The following LRRC8B variants were observed in gnomAD, a reference collection of about 807,000 sequenced individuals.
LRRC8B encodes volume-regulated anion channel subunit LRRC8B.
LRRC8B carries 23 observed loss-of-function variants against 58.8 expected under a neutral mutation model. The ratio of observed to expected loss-of-function variants is 0.39; its 90% CI spans 0.28 to 0.55. The LOEUF is 0.55. LRRC8B is among the 20% of genes least tolerant of loss of function. The probability of loss-of-function intolerance (pLI) is 0.62; values close to 1 mark genes in which losing one functional copy is unlikely to be tolerated. For missense variants in LRRC8B, 694 were observed against 936.0 expected (o/e 0.74, Z 3.37); for synonymous variants, 359 against 374.1 (o/e 0.96, Z 0.47).
At chr1:89,591,905 A>G (rs1655002645) in intron 5 of LRRC8B, among the ~76,000 whole-genome samples, 1 of 152,010 alleles carries the variant, frequency 6.6e-6, no homozygotes, top group Non-Finnish European at 1.5e-5. Context: ...GAGCGGTGGT[A>G]TGTGCAGTCT....
At chr1:89,551,928 TTATATA>T (rs1302572455) in intron 1 of LRRC8B, among the ~76,000 whole-genome samples, 6 of 152,236 alleles carry the variant, frequency 3.9e-5, no homozygotes, top group Admixed American at 3.9e-4. Context: ...GATTTGATTA[TTATATA>T]TATTTATATA....
At chr1:89,570,685 CT>C (rs2101009949) in intron 3 of LRRC8B, among the ~76,000 whole-genome samples, 1 of 152,142 alleles carries the variant, frequency 6.6e-6, no homozygotes, top group African/African-American at 2.4e-5. Context: ...CTGTTGATAG[CT>C]TCTTTTGCTG....
chr1:89,546,129 C>T (rs890790495), intron 1 of LRRC8B, among the ~76,000 whole-genome samples: 1 of 151,996 alleles, frequency 6.6e-6, no homozygotes, highest in African/African-American at 2.4e-5. Context: ...GCTAGCCTAT[C>T]AGAATAGAGA....
intron 1 of LRRC8B, among the ~76,000 whole-genome samples, chr1:89,559,520 G>T (rs1418848032): frequency 6.6e-6 from 1 of 151,156 alleles, no homozygotes; most frequent in Non-Finnish European, 1.5e-5. Context: ...TGTAGTCCCA[G>T]CTACTCGGGA....
chr1:89,589,333 C>A (rs1405908557), intron 5 of LRRC8B, among the ~76,000 whole-genome samples: 19 of 152,122 alleles, frequency 1.2e-4, no homozygotes, highest in Admixed American at 4.6e-4. Flanking sequence ...ATGCATCAAT[C>A]CAAGTGATTC....
intron 5 of LRRC8B, among the ~76,000 whole-genome samples, chr1:89,591,034 C>G (rs956433915): frequency 6.6e-6 from 1 of 152,182 alleles, no homozygotes; most frequent in Non-Finnish European, 1.5e-5. Context: ...TTTCCACCCA[C>G]AATGTCAACA....
chr1:89,591,225 G>A (rs1285280508), intron 5 of LRRC8B, among the ~76,000 whole-genome samples: 4 of 152,206 alleles, frequency 2.6e-5, no homozygotes, highest in African/African-American at 9.7e-5. Context: ...CAGTTTGCCT[G>A]AGTCATTTCA....
rs189400315 is a variant in LRRC8B at position 89,585,483 on chromosome 1, G to A, written c.2139+694G>A. Among the ~76,000 whole-genome samples the A allele has an allele frequency of 5.3e-4, 80 of 152,172 alleles. No homozygotes were observed. The East Asian group carries it at 0.01, about 19-fold the overall frequency. ...TCCTAGGTTAAGATATGGAGGAGGA[G>A]GAAAAAGGAAAAATTCACTGTAGTC... On this transcript the variant is annotated intron_variant, in intron 5 of 5. Transcript: ENST00000330947.
chr1:89,595,754 G>A lies in LRRC8B; in HGVS notation c.*2711G>A, dbSNP rs1655252446. The A allele has an allele frequency of 6.6e-6, 1 of 152,042 alleles. No homozygotes were observed. Among genetic ancestry groups the A allele is most frequent in the Non-Finnish European group, 1.5e-5 (1 of 67,968 alleles). 9.4% of individuals were successfully genotyped at this position (152,042 alleles called of 1,614,324 possible). On this transcript the variant is annotated 3_prime_UTR_variant, in exon 6 of 6. Transcript: ENST00000330947. ...AGGCTACTACTTCACATAAAAAATA[G>A]GGTGTTAATACCACCTTTACTGTAC...
At chr1:89,569,666 T>TATTC (rs1476945256) in intron 3 of LRRC8B, among the ~76,000 whole-genome samples, 1 of 152,232 alleles carries the variant, frequency 6.6e-6, no homozygotes, top group Non-Finnish European at 1.5e-5. Context: ...GGCTATGTAG[T>TATTC]ATTCCATGGT....
chr1:89,525,406 G>A (rs1246603359), intron 1 of LRRC8B, among the ~76,000 whole-genome samples: 1 of 152,232 alleles, frequency 6.6e-6, no homozygotes, highest in Non-Finnish European at 1.5e-5. Context: ...TTCCCAGGCT[G>A]GCGTCTCGCT....
chr1:89,534,233 A>G (rs1269932461), intron 1 of LRRC8B, among the ~76,000 whole-genome samples: 1 of 152,218 alleles, frequency 6.6e-6, no homozygotes, highest in African/African-American at 2.4e-5. Context: ...TTTCATCATA[A>G]TTTTGAATAG....
chr1:89,554,301 C>T (rs903518777), intron 1 of LRRC8B, among the ~76,000 whole-genome samples: 1 of 152,114 alleles, frequency 6.6e-6, no homozygotes, highest in African/African-American at 2.4e-5. Flanking sequence ...TAACCAACCC[C>T]TTTTACCCCT....
At chr1:89,591,221 G>T (rs1238996184) in intron 5 of LRRC8B, among the ~76,000 whole-genome samples, 1 of 152,198 alleles carries the variant, frequency 6.6e-6, no homozygotes, top group East Asian at 1.9e-4. Context: ...TAGCCAGTTT[G>T]CCTGAGTCAT....
At position 89,583,229 on chromosome 1, in the gene LRRC8B, A is replaced by T; in HGVS notation, c.579A>T (p.Ser193=). ...LSKSKILLSS[S]GCSADIDSGK... Reference sequence around the variant, plus strand: ...AGTCCAAGATTTTGCTTTCGTCCTCAGGGTGTTCAGCTGACATAGATTCCG... The same window carrying T: ...AGTCCAAGATTTTGCTTTCGTCCTCTGGGTGTTCAGCTGACATAGATTCCG... The change falls in exon 5 of 6, where the codon TCA becomes TCT. Residue 193 remains serine (S), a synonymous_variant. Coordinates refer to ENST00000330947, the MANE Select transcript of LRRC8B (RefSeq NM_001369817.2). The surrounding 1 kb of genome is among the most constrained non-coding windows in gnomAD (Gnocchi z 5.2). 6.2e-7 allele frequency: 1 copy of T among 1,614,148 alleles called. No individual in the cohort carries two copies.
chr1:89,593,092 C>G lies in LRRC8B; in HGVS notation c.*49C>G. 1.3e-6 allele frequency: 2 copies of G among 1,579,350 alleles called. No individual in the cohort carries two copies. Among genetic ancestry groups the G allele is most frequent in the Middle Eastern group, 1.8e-4 (1 of 5,694 alleles). Reference sequence around the variant, plus strand: ...TCAAAATCATTTTTAAAAGTATGCTCGGCCGGGCGTGGTGGCTCATGCCTA... The same window carrying G: ...TCAAAATCATTTTTAAAAGTATGCTGGGCCGGGCGTGGTGGCTCATGCCTA... On this transcript the variant is annotated 3_prime_UTR_variant, in exon 6 of 6. Transcript: ENST00000330947.
intron 1 of LRRC8B, among the ~76,000 whole-genome samples, chr1:89,539,256 C>T (rs1405919880): frequency 6.6e-6 from 1 of 151,986 alleles, no homozygotes; most frequent in Non-Finnish European, 1.5e-5. Flanking sequence ...CCCATATTGC[C>T]CTCTCCGCCC....
chr1:89,540,432 C>T (rs1650872800), intron 1 of LRRC8B, among the ~76,000 whole-genome samples: 1 of 152,150 alleles, frequency 6.6e-6, no homozygotes, highest in South Asian at 2.1e-4. Context: ...GTTGTAATGG[C>T]CCTAACAGTG....
intron 1 of LRRC8B, among the ~76,000 whole-genome samples, chr1:89,540,472 G>A (rs1196406702): frequency 2.6e-5 from 4 of 152,228 alleles, no homozygotes; most frequent in Non-Finnish European, 5.9e-5. Flanking sequence ...TCAACCCCAC[G>A]CTTTGAGTTT....
Sources: allele counts gnomAD v4.1 joint callset (sites outside exome capture counted in the v4.1 genomes callset), GRCh38; gene constraint gnomAD v4.1.1; non-coding constraint Gnocchi (gnomAD v3.1); transcripts MANE v1.5; gene names NCBI Gene and HGNC (gene_info 2026-07-23, HGNC 2026-07-21).